The following GRM7 variants were observed in gnomAD, a reference collection of about 807,000 sequenced individuals.
GRM7 encodes glutamate metabotropic receptor 7, also known as metabotropic glutamate receptor 7.
Under a neutral mutation model 84.5 loss-of-function variants are expected in GRM7, and 35 were observed. That is an observed-to-expected ratio of 0.41 (90% confidence interval 0.32 to 0.55). The LOEUF is 0.55. GRM7 is among the 20% of genes least tolerant of loss of function. GRM7 has a pLI of 0.19. For synonymous variants in GRM7, 487 were observed against 455.1 expected, an observed-to-expected ratio of 1.07 and a Z score of -0.89; for missense variants, 1,003 against 1,194.6, an observed-to-expected ratio of 0.84 and a Z score of 2.36.
chr3:6,935,544 C>T (rs1697658542), intron 1 of GRM7, among the ~76,000 whole-genome samples: 1 of 151,844 alleles, frequency 6.6e-6, no homozygotes, highest in Admixed American at 6.6e-5. Context: ...TTTTTACCTG[C>T]TCTGTGAAAA....
intron 1 of GRM7, among the ~76,000 whole-genome samples, chr3:6,925,749 C>T (rs748878771): frequency 7.2e-5 from 11 of 152,232 alleles, no homozygotes; most frequent in Non-Finnish European, 1.3e-4. Context: ...TTATATCTGC[C>T]TCCCTGAAGC....
At chr3:7,547,780 C>T (rs1040993440) in intron 7 of GRM7, among the ~76,000 whole-genome samples, 1 of 152,168 alleles carries the variant, frequency 6.6e-6, no homozygotes, top group South Asian at 2.1e-4. Flanking sequence ...AGCAAAATAA[C>T]GAAAGCAAAG....
chr3:7,199,499 C>T (rs146871386), intron 2 of GRM7, among the ~76,000 whole-genome samples: 6 of 152,226 alleles, frequency 3.9e-5, no homozygotes, highest in Admixed American at 6.5e-5. Flanking sequence ...TGCTATGCAG[C>T]AATCAATCAC....
At chr3:7,076,789 C>T (rs2124991447) in intron 1 of GRM7, among the ~76,000 whole-genome samples, 1 of 152,184 alleles carries the variant, frequency 6.6e-6, no homozygotes, top group Non-Finnish European at 1.5e-5. Flanking sequence ...TCAGAGTGAA[C>T]AGGCAACTTA....
chr3:6,960,286 C>A (rs62235453), intron 1 of GRM7, among the ~76,000 whole-genome samples: 45,122 of 151,802 alleles, frequency 0.3, 6,845 homozygotes, highest in East Asian at 0.53. Context: ...GCAAAGAATT[C>A]TTTGTGGTCC....
chr3:7,365,729 A>T (rs1230559745), intron 4 of GRM7, among the ~76,000 whole-genome samples: 2 of 148,822 alleles, frequency 1.3e-5, no homozygotes, highest in African/African-American at 4.9e-5. Context: ...TTTATACTTT[A>T]TCTCTTTAAT....
At chr3:7,675,256 AC>A in intron 8 of GRM7, among the ~76,000 whole-genome samples, 1 of 152,266 alleles carries the variant, frequency 6.6e-6, no homozygotes, top group South Asian at 2.1e-4. Context: ...GTGTTTTTGA[AC>A]AGTACTGAGA....
intron 8 of GRM7, among the ~76,000 whole-genome samples, chr3:7,635,777 G>A (rs1320246733): frequency 1.3e-5 from 2 of 152,096 alleles, no homozygotes; most frequent in Non-Finnish European, 1.5e-5. Flanking sequence ...GGACTCAAGC[G>A]ATCTTCCTGC....
rs750777601 is a variant in GRM7, at chr3:7,680,105, G to C, written c.2508G>C (p.Ala836=). Residue 836 remains alanine (A), a synonymous_variant, in exon 9 of 10, where the codon GCG becomes GCC. Transcript: ENST00000357716. ...CCATGAACCTAAGTGCATCAGTGGC[G>C]CTGGGGATGCTATACATGCCGAAAG... The part of the protein sequence containing the change: ...TISMNLSASV[A]LGMLYMPKVY... 2 of 1,613,700 alleles carry C rather than the reference G, an allele frequency of 1.2e-6. No individual in the cohort carries two copies. The highest frequency in any genetic ancestry group is 1.1e-5 in the South Asian group (1 of 91,074).
At chr3:7,120,526 A>T (rs929515995) in intron 1 of GRM7, among the ~76,000 whole-genome samples, 3 of 152,196 alleles carry the variant, frequency 2.0e-5, no homozygotes, top group Non-Finnish European at 4.4e-5. Context: ...TTTCTTGTGA[A>T]CACAGTGAGA....
intron 1 of GRM7, among the ~76,000 whole-genome samples, chr3:6,870,415 C>T (rs938498194): frequency 3.9e-5 from 6 of 152,082 alleles, no homozygotes; most frequent in Non-Finnish European, 8.8e-5. Flanking sequence ...ATTGTAGAGG[C>T]CATTGTGGCT....
intron 4 of GRM7, 83 bp from the exon 5 acceptor site, chr3:7,414,940 A>G: frequency 2.5e-6 from 3 of 1,207,240 alleles, no homozygotes; most frequent in Non-Finnish European, 3.4e-6. Flanking sequence ...GAAACAAAGA[A>G]AAAAAAAGTC....
intron 1 of GRM7, among the ~76,000 whole-genome samples, chr3:6,939,277 G>A (rs1308436317): frequency 6.6e-6 from 1 of 152,064 alleles, no homozygotes; most frequent in Admixed American, 6.6e-5. Context: ...TCCCAGTTTT[G>A]TGAGTCATGT....
intron 8 of GRM7, among the ~76,000 whole-genome samples, chr3:7,583,749 C>T (rs974146315): frequency 6.6e-6 from 1 of 152,090 alleles, no homozygotes; most frequent in Non-Finnish European, 1.5e-5. Context: ...AAGGAGCAGC[C>T]CTGGTTCTCT....
intron 1 of GRM7, among the ~76,000 whole-genome samples, chr3:7,006,350 T>C (rs11711116): frequency 5.3e-5 from 8 of 152,180 alleles, no homozygotes. Flanking sequence ...TGAAAAACTG[T>C]CTTTATGTGA....
chr3:7,721,155 A>G (rs376553529), intron 9 of GRM7, among the ~76,000 whole-genome samples: 26 of 152,302 alleles, frequency 1.7e-4, no homozygotes, highest in Admixed American at 2.6e-4. Context: ...ATCCATATTT[A>G]ACCTCTTAAT....
intron 1 of GRM7, among the ~76,000 whole-genome samples, chr3:7,070,285 A>C (rs987528386): frequency 9.9e-5 from 15 of 152,138 alleles, no homozygotes; most frequent in African/African-American, 3.6e-4. Context: ...ACAGTTTCCA[A>C]AGTGTATTTT....
intron 8 of GRM7, among the ~76,000 whole-genome samples, chr3:7,634,364 CA>C (rs1393082814): frequency 6.7e-6 from 1 of 148,890 alleles, no homozygotes; most frequent in African/African-American, 2.5e-5. Context: ...GAAACAGCAA[CA>C]AAAACATTGA....
intron 8 of GRM7, among the ~76,000 whole-genome samples, chr3:7,599,229 T>C (rs895278974): frequency 6.6e-6 from 1 of 152,176 alleles, no homozygotes; most frequent in African/African-American, 2.4e-5. Context: ...GTTTCCATTA[T>C]TTTTAGTTCT....
Sources: allele counts gnomAD v4.1 joint callset (sites outside exome capture counted in the v4.1 genomes callset), GRCh38; gene constraint gnomAD v4.1.1; transcripts MANE v1.5; gene names NCBI Gene and HGNC (gene_info 2026-07-23, HGNC 2026-07-21).